Variants in MARCHF7 observed in about 807,000 individuals in gnomAD.
MARCHF7 encodes membrane associated ring-CH-type finger 7, also known as E3 ubiquitin-protein ligase MARCHF7.
Under a neutral mutation model 76.5 loss-of-function variants are expected in MARCHF7, and 20 were observed. The observed-to-expected ratio is 0.26, with a 90% CI of 0.18 to 0.38. MARCHF7 has a LOEUF of 0.38. Ranked by LOEUF, MARCHF7 falls within the 10% of genes least tolerant of loss-of-function variation. MARCHF7 has a pLI of 1.00. For missense variants in MARCHF7, 797 were observed against 812.9 expected (o/e 0.98, Z 0.24); for synonymous variants, 295 against 293.0 (o/e 1.01, Z -0.07).
intron 5 of MARCHF7, among the ~76,000 whole-genome samples, chr2:159,743,749 AAG>A (rs772115118): frequency 6.7e-6 from 1 of 150,304 alleles, no homozygotes; most frequent in Admixed American, 6.6e-5. Context: ...AAAAAAAAAA[AAG>A]AGAGAATTAG....
At chr2:159,739,348 A>G (rs1308622737) in intron 4 of MARCHF7, among the ~76,000 whole-genome samples, 1 of 152,234 alleles carries the variant, frequency 6.6e-6, no homozygotes, top group Non-Finnish European at 1.5e-5. Context: ...GTTAGCATCA[A>G]CCTATAGTTG....
intron 6 of MARCHF7, among the ~76,000 whole-genome samples, chr2:159,746,230 A>G (rs1333729348): frequency 6.6e-6 from 1 of 152,184 alleles, no homozygotes; most frequent in Non-Finnish European, 1.5e-5. Context: ...CCTCAAATAG[A>G]ATTTGCCTGT....
intron 4 of MARCHF7, among the ~76,000 whole-genome samples, chr2:159,729,420 C>T (rs964026884): frequency 6.6e-6 from 1 of 152,116 alleles, no homozygotes; most frequent in Non-Finnish European, 1.5e-5. Flanking sequence ...CCTGTAATCC[C>T]AGCACTTTGG....
chr2:159,733,537 C>T (rs1171054082), intron 4 of MARCHF7: 1 of 970,136 alleles, frequency 1.0e-6, no homozygotes, highest in African/African-American at 1.9e-5. Context: ...TGCACCTGGC[C>T]AGAGGCAACA....
intron 4 of MARCHF7, among the ~76,000 whole-genome samples, chr2:159,742,634 G>A (rs1704269319): frequency 6.6e-6 from 1 of 152,058 alleles, no homozygotes; most frequent in South Asian, 2.1e-4. Flanking sequence ...TGGGTAGAAG[G>A]AACAAAGACT....
At chr2:159,726,272 T>C (rs1412320147) in intron 3 of MARCHF7, among the ~76,000 whole-genome samples, 1 of 121,842 alleles carries the variant, frequency 8.2e-6, no homozygotes, top group Non-Finnish European at 1.8e-5. Context: ...TTGTTTTGTT[T>C]TGTTTTTTGA....
At chr2:159,715,225 A>AT (rs1700897276) in intron 2 of MARCHF7, among the ~76,000 whole-genome samples, 1 of 152,250 alleles carries the variant, frequency 6.6e-6, no homozygotes, top group Non-Finnish European at 1.5e-5. Flanking sequence ...TCCTACTAAG[A>AT]TTACTTGAAT....
At chr2:159,716,625 A>G (rs1701071553) in intron 3 of MARCHF7, among the ~76,000 whole-genome samples, 1 of 149,042 alleles carries the variant, frequency 6.7e-6, no homozygotes, top group African/African-American at 2.5e-5. Context: ...CCTGGGCAGC[A>G]GAGTGAGACC....
Position 159,770,596 on chromosome 2 carries a change from T to G in MARCHF7, c.*3254T>G, listed in dbSNP as rs1708113832. 1 of 152,186 alleles carries G rather than the reference T, an allele frequency of 6.6e-6. No homozygotes were observed. Among genetic ancestry groups the G allele is most frequent in the Non-Finnish European group, 1.5e-5 (1 of 68,016 alleles). 9.4% of individuals were successfully genotyped at this position (152,186 alleles called of 1,614,324 possible). On this transcript the variant is annotated 3_prime_UTR_variant, in exon 12 of 12. Coordinates refer to ENST00000409175, the MANE Select transcript of MARCHF7 (RefSeq NM_001282805.2). ...ATTACTTTTCTTTGAGCCTCAGACT[T>G]CTAGACAGTATACTTCAGTCAGTAA...
chr2:159,731,228 T>G (rs1702751257), intron 4 of MARCHF7, among the ~76,000 whole-genome samples: 2 of 152,152 alleles, frequency 1.3e-5, no homozygotes. Context: ...ATCCAGTTGT[T>G]ATAGTTACAT....
Position 159,748,157 on chromosome 2 carries a change from C to T in MARCHF7, c.867C>T (p.Ser289=). 2 of 1,613,192 alleles carry T rather than the reference C, an allele frequency of 1.2e-6. No homozygotes were observed. Among genetic ancestry groups the T allele is most frequent in the Non-Finnish European group, 1.7e-6 (2 of 1,179,696 alleles). Residue 289 remains serine, a synonymous_variant, in exon 7 of 12, where the codon AGC becomes AGT. Transcript: ENST00000409175. ...TRRLLSRIAS[S]MSSTFFSRRS... ...GATTGCTGTCACGCATAGCTTCTAG[C>T]ATGTCATCTACTTTTTTTTCACGAA...
At chr2:159,763,926 C>G (rs959961829) in intron 10 of MARCHF7, among the ~76,000 whole-genome samples, 1 of 152,116 alleles carries the variant, frequency 6.6e-6, no homozygotes, top group Admixed American at 6.6e-5. Context: ...GAGCAAAGAT[C>G]TCTTGACTTC....
At chr2:159,760,228 CT>C (rs913559804) in intron 9 of MARCHF7, among the ~76,000 whole-genome samples, 1 of 151,974 alleles carries the variant, frequency 6.6e-6, no homozygotes, top group Non-Finnish European at 1.5e-5. Context: ...TTCTGAACCA[CT>C]TTTTTTTAAA....
intron 2 of MARCHF7, 79 bp from the exon 3 acceptor site, chr2:159,715,602 T>A (rs1419023843): frequency 1.3e-5 from 2 of 152,144 alleles, no homozygotes; most frequent in Admixed American, 6.6e-5. Context: ...CACCTCAGCC[T>A]CCCAAAGCGC....
intron 8 of MARCHF7, among the ~76,000 whole-genome samples, chr2:159,756,856 G>A: frequency 6.6e-6 from 1 of 151,998 alleles, no homozygotes; most frequent in East Asian, 1.9e-4. Flanking sequence ...CACTGTACCA[G>A]GCACATGGTA....
intron 8 of MARCHF7, among the ~76,000 whole-genome samples, chr2:159,757,199 G>A (rs1706439135): frequency 6.6e-6 from 1 of 152,096 alleles, no homozygotes; most frequent in Non-Finnish European, 1.5e-5. Context: ...TACCTGGCCT[G>A]GAGTTAGTTT....
At chr2:159,737,936 G>T (rs1390793797) in intron 4 of MARCHF7, among the ~76,000 whole-genome samples, 4 of 152,212 alleles carry the variant, frequency 2.6e-5, no homozygotes, top group Non-Finnish European at 5.9e-5. Flanking sequence ...GTGGCTGGTG[G>T]TGCCTTTGCC....
At chr2:159,745,429 C>T (rs1019977591) in intron 5 of MARCHF7, among the ~76,000 whole-genome samples, 2 of 151,982 alleles carry the variant, frequency 1.3e-5, no homozygotes, top group Admixed American at 6.6e-5. Context: ...CCGGGGTGGG[C>T]GGATCACTAG....
intron 3 of MARCHF7, among the ~76,000 whole-genome samples, chr2:159,723,071 C>T (rs1204555520): frequency 1.3e-5 from 2 of 152,234 alleles, no homozygotes; most frequent in African/African-American, 4.8e-5. Flanking sequence ...ATTGCAAATA[C>T]AGTCCCTTTA....
Sources: gnomAD v4.1 joint callset for allele counts (sites outside exome capture counted in the v4.1 genomes callset) on GRCh38, gnomAD v4.1.1 for gene constraint, MANE v1.5 for transcripts, NCBI Gene and HGNC (gene_info 2026-07-23, HGNC 2026-07-21) for gene names.